RAB3C: variants seen among roughly 807,000 people sequenced by gnomAD.
The protein encoded by RAB3C is RAB3C, member RAS oncogene family.
Under a neutral mutation model 26.4 loss-of-function variants are expected in RAB3C, and 17 were observed. That is an observed-to-expected ratio of 0.64 (90% CI 0.44 to 0.97). The LOEUF is 0.97. Ranked by LOEUF, RAB3C falls within the 50% of genes least tolerant of loss-of-function variation. The pLI, the probability that RAB3C is intolerant of heterozygous loss-of-function variation, is 0.00. For missense variants in RAB3C, 242 were observed against 281.9 expected (o/e 0.86, Z 1.01); for synonymous variants, 91 against 95.9 (o/e 0.95, Z 0.30).
chr5:58,851,110 T>C, intron 4 of RAB3C, 54 bp from the exon 5 acceptor site: 1 of 1,515,682 alleles, frequency 6.6e-7, no homozygotes, highest in Non-Finnish European at 8.9e-7. Flanking sequence ...TCAAGTCCCA[T>C]TTAATTTCAG....
intron 2 of RAB3C, among the ~76,000 whole-genome samples, chr5:58,668,640 C>T (rs1289088129): frequency 6.6e-6 from 1 of 151,990 alleles, no homozygotes; most frequent in Non-Finnish European, 1.5e-5. Context: ...ATTTAAAGAC[C>T]TCATAGTATC....
At chr5:58,634,326 C>T (rs1014849640) in intron 2 of RAB3C, among the ~76,000 whole-genome samples, 2 of 152,126 alleles carry the variant, frequency 1.3e-5, no homozygotes, top group African/African-American at 2.4e-5. Flanking sequence ...AGAACTCTGC[C>T]TTCCAGAAGC....
chr5:58,745,990 TTTC>T (rs966369683), intron 3 of RAB3C, among the ~76,000 whole-genome samples: 55 of 152,180 alleles, frequency 3.6e-4, no homozygotes, highest in Non-Finnish European at 2.2e-4. Flanking sequence ...CCTACAGGGT[TTTC>T]TTCTTATCTA....
chr5:58,849,763 G>A (rs756204475), intron 4 of RAB3C, among the ~76,000 whole-genome samples: 5 of 152,172 alleles, frequency 3.3e-5, no homozygotes, highest in South Asian at 2.1e-4. Flanking sequence ...ATAGTATAAC[G>A]ACTAAGTTGG....
intron 2 of RAB3C, among the ~76,000 whole-genome samples, chr5:58,701,943 G>GTAATATT (rs1748851223): frequency 6.6e-6 from 1 of 152,032 alleles, no homozygotes; most frequent in Non-Finnish European, 1.5e-5. Context: ...AATATTCACA[G>GTAATATT]GTTTGGAGAT....
intron 2 of RAB3C, among the ~76,000 whole-genome samples, chr5:58,651,019 C>T (rs574124235): frequency 6.6e-6 from 1 of 152,286 alleles, no homozygotes; most frequent in East Asian, 1.9e-4. Flanking sequence ...TCCATAGGAG[C>T]TAGGTAATGT....
chr5:58,756,530 GC>G (rs1482977030), intron 3 of RAB3C, among the ~76,000 whole-genome samples: 1 of 147,274 alleles, frequency 6.8e-6, no homozygotes, highest in Non-Finnish European at 1.5e-5. Flanking sequence ...CCCTCCCCTG[GC>G]CCCCCACCCC....
At chr5:58,674,864 A>G (rs1475006212) in intron 2 of RAB3C, among the ~76,000 whole-genome samples, 2 of 152,138 alleles carry the variant, frequency 1.3e-5, no homozygotes, top group Admixed American at 6.5e-5. Context: ...TACATAAAAA[A>G]AAAAAAGGTC....
chr5:58,773,668 G>A (rs1205936077), intron 3 of RAB3C, among the ~76,000 whole-genome samples: 1 of 152,088 alleles, frequency 6.6e-6, no homozygotes, highest in Non-Finnish European at 1.5e-5. Flanking sequence ...CTGGGGGAAA[G>A]GAGGCACAGC....
intron 2 of RAB3C, among the ~76,000 whole-genome samples, chr5:58,693,971 T>A (rs1001174307): frequency 6.0e-4 from 92 of 152,302 alleles, no homozygotes; most frequent in African/African-American, 2.1e-3. Flanking sequence ...CTAGGGTACA[T>A]GTGCACAACA....
chr5:58,771,373 T>TA (rs1405944400), intron 3 of RAB3C, among the ~76,000 whole-genome samples: 3 of 152,048 alleles, frequency 2.0e-5, no homozygotes, highest in Non-Finnish European at 4.4e-5. Flanking sequence ...TAAATGAGAT[T>TA]AAAAAAACCT....
chr5:58,632,747 T>C (rs889006078), intron 2 of RAB3C, among the ~76,000 whole-genome samples: 4 of 152,184 alleles, frequency 2.6e-5, no homozygotes, highest in African/African-American at 9.7e-5. Flanking sequence ...TGACAATGGT[T>C]CTACTTGCTC....
chr5:58,698,572 A>C (rs1304690924), intron 2 of RAB3C, among the ~76,000 whole-genome samples: 2 of 152,166 alleles, frequency 1.3e-5, no homozygotes, highest in Non-Finnish European at 2.9e-5. Flanking sequence ...AATCAAACGT[A>C]GATTTGGTCT....
chr5:58,720,445 T>C (rs1740723032), intron 2 of RAB3C, among the ~76,000 whole-genome samples: 1 of 151,896 alleles, frequency 6.6e-6, no homozygotes, highest in Admixed American at 6.6e-5. Flanking sequence ...CTTTAATGAT[T>C]CAAAACATTT....
At chr5:58,745,372 G>T (rs1423700620) in intron 3 of RAB3C, among the ~76,000 whole-genome samples, 1 of 140,264 alleles carries the variant, frequency 7.1e-6, no homozygotes, top group Non-Finnish European at 1.5e-5. Context: ...CTCCAGCCTG[G>T]GCTGAGCGAG....
rs181020309 is a variant in RAB3C, at chr5:58,597,831, G to A, written c.24+14599G>A. On this transcript the variant is annotated intron_variant, in intron 1 of 4. Transcript: ENST00000282878. ...ATTATATATAAGTATACGATAACAT[G>A]TAATACATTATATATAAGTATACGA... Among the ~76,000 whole-genome samples the A allele has an allele frequency of 2.6e-3, 139 of 53,922 alleles. 41 individuals are homozygous for A. The highest frequency in any genetic ancestry group is 7.9e-3 in the African/African-American group (94 of 11,870). 35.4% of individuals were successfully genotyped at this position (53,922 alleles called of 152,430 possible). A position where few individuals can be genotyped will look rare whatever the true frequency, so the allele number is the denominator to read the frequency against.
At chr5:58,643,816 G>A (rs1230103782) in intron 2 of RAB3C, among the ~76,000 whole-genome samples, 1 of 152,152 alleles carries the variant, frequency 6.6e-6, no homozygotes, top group Non-Finnish European at 1.5e-5. Flanking sequence ...AAGCAATACT[G>A]TTTTAGTTTT....
At chr5:58,603,875 G>A (rs1746505704) in intron 1 of RAB3C, among the ~76,000 whole-genome samples, 1 of 152,184 alleles carries the variant, frequency 6.6e-6, no homozygotes, top group African/African-American at 2.4e-5. Flanking sequence ...GGGTGTTGAA[G>A]AGCCTTGTTT....
intron 2 of RAB3C, among the ~76,000 whole-genome samples, chr5:58,654,503 A>G (rs1469859667): frequency 2.0e-5 from 3 of 152,198 alleles, no homozygotes; most frequent in South Asian, 2.1e-4. Flanking sequence ...AACAATCTCT[A>G]TTACAAAGAG....
Sources: gnomAD v4.1 joint callset for allele counts (sites outside exome capture counted in the v4.1 genomes callset) on GRCh38, gnomAD v4.1.1 for gene constraint, MANE v1.5 for transcripts, NCBI Gene and HGNC (gene_info 2026-07-23, HGNC 2026-07-21) for gene names.